The following DCX variants were observed in gnomAD, a reference collection of about 807,000 sequenced individuals.
DCX encodes neuronal migration protein doublecortin.
A neutral mutation model predicts 20.9 loss-of-function variants in DCX; 4 were observed. The observed-to-expected ratio is 0.19, with a 90% CI of 0.09 to 0.44. DCX has a LOEUF of 0.44. Ranked by LOEUF, DCX falls within the 20% of genes least tolerant of loss-of-function variation. The probability of loss-of-function intolerance (pLI) is 0.99; values close to 1 mark genes in which losing one functional copy is unlikely to be tolerated. For synonymous variants in DCX, 103 were observed against 111.4 expected (o/e 0.92, Z 0.47); for missense variants, 133 against 296.9 (o/e 0.45, Z 4.06).
Position 111,410,905 on chromosome X carries a change from T to G in DCX, c.-22-485A>C, listed in dbSNP as rs770901902. 2.5e-6 allele frequency: 3 copies of G among 1,211,154 alleles called. No homozygotes were observed. The Admixed American group carries it at 6.5e-5, about 26-fold the overall frequency. On this transcript the variant is annotated intron_variant, in intron 1 of 6. Transcript: ENST00000636035. ...AGAGAACAGAAGGAGCTACCCAAGG[T>G]TAGCATCTCCAGCTTAGGAAGCAGT...
At chrX:111,368,889 T>C (rs1924840053) in intron 3 of DCX, among the ~76,000 whole-genome samples, 2 of 96,587 alleles carry the variant, frequency 2.1e-5, no homozygotes, top group Non-Finnish European at 3.9e-5. Context: ...ATACGGGATA[T>C]ATATATATAC....
intron 3 of DCX, among the ~76,000 whole-genome samples, chrX:111,367,550 G>C (rs1189805217): frequency 3.6e-5 from 4 of 111,666 alleles, no homozygotes; most frequent in African/African-American, 9.8e-5. Flanking sequence ...TAGAGATAAT[G>C]CTCTGCTGTA....
chrX:111,321,786 G>A (rs950878560), intron 5 of DCX, among the ~76,000 whole-genome samples: 2 of 112,096 alleles, frequency 1.8e-5, no homozygotes, highest in African/African-American at 3.2e-5. Flanking sequence ...GGCCCCAGGT[G>A]TAGCAATTAT....
rs2095023306 is a variant in DCX, at chrX:111,297,176, T to C, written c.*4511A>G. 8.9e-6 allele frequency: 1 copy of C among 111,929 alleles called. No individual in the cohort carries two copies. The highest frequency in any genetic ancestry group is 3.3e-5 in the African/African-American group (1 of 30,743). 9.2% of individuals were successfully genotyped at this position (111,929 alleles called of 1,213,427 possible). A position where few individuals can be genotyped will look rare whatever the true frequency, so the allele number is the denominator to read the frequency against. On this transcript the variant is annotated 3_prime_UTR_variant, in exon 7 of 7. Coordinates refer to ENST00000636035, the MANE Select transcript of DCX (RefSeq NM_001195553.2). ...AGGTTCCAATCATCTTTTTAAAAAA[T>C]CAATGCCTTTTATTTCCATAGCAAA...
At chrX:111,407,732 T>A (rs1428887321) in intron 2 of DCX, among the ~76,000 whole-genome samples, 1 of 109,258 alleles carries the variant, frequency 9.2e-6, no homozygotes, top group East Asian at 2.9e-4. Context: ...TGCAGTCTTT[T>A]CAAAGTTACA....
chrX:111,345,692 G>T (rs1259154954), intron 3 of DCX, among the ~76,000 whole-genome samples: 1 of 111,507 alleles, frequency 9.0e-6, no homozygotes, highest in Admixed American at 9.5e-5. Context: ...ACCACAATGA[G>T]ATACTATCTC....
chrX:111,308,950 T>C (rs2147586491), intron 6 of DCX, among the ~76,000 whole-genome samples: 1 of 110,610 alleles, frequency 9.0e-6, no homozygotes, highest in South Asian at 3.9e-4. Context: ...ACTGGGACTG[T>C]CTTTCCTCTG....
chrX:111,390,119 A>C (rs1028274984), intron 3 of DCX, among the ~76,000 whole-genome samples: 2 of 112,057 alleles, frequency 1.8e-5, no homozygotes, highest in African/African-American at 6.5e-5. Flanking sequence ...TCTAAGCATG[A>C]GAACAATCTG....
chrX:111,376,137 A>AT (rs765259600), intron 3 of DCX, among the ~76,000 whole-genome samples: 1 of 112,105 alleles, frequency 8.9e-6, no homozygotes, highest in South Asian at 3.7e-4. Flanking sequence ...GAAAACATCA[A>AT]TTTTTTAAGG....
intron 6 of DCX, among the ~76,000 whole-genome samples, chrX:111,310,093 A>G (rs1278180394): frequency 8.9e-6 from 1 of 112,417 alleles, no homozygotes; most frequent in South Asian, 3.6e-4. Context: ...AGCACTTCGG[A>G]AGGCCGAGGC....
chrX:111,409,007 G>T (rs574087332), intron 2 of DCX, among the ~76,000 whole-genome samples: 11 of 111,508 alleles, frequency 9.9e-5, no homozygotes, highest in African/African-American at 2.0e-4. Flanking sequence ...TTTGCTCAGG[G>T]AATGAAAGGA....
intron 3 of DCX, among the ~76,000 whole-genome samples, chrX:111,367,737 GATAGCCCCCTCTCAATTT>G (rs1924740145): frequency 9.0e-6 from 1 of 111,207 alleles, no homozygotes; most frequent in Non-Finnish European, 1.9e-5. Context: ...GCATAGCAAT[GATAGCCCCCTCTCAATTT>G]ATATTTCCAA....
At chrX:111,357,093 G>A (rs929233510) in intron 3 of DCX, among the ~76,000 whole-genome samples, 1 of 111,917 alleles carries the variant, frequency 8.9e-6, no homozygotes, top group African/African-American at 3.2e-5. Context: ...AACTGTATAT[G>A]GTAGAGAAAA....
chrX:111,371,624 C>T (rs1477388925), intron 3 of DCX, among the ~76,000 whole-genome samples: 1 of 111,445 alleles, frequency 9.0e-6, no homozygotes, highest in Non-Finnish European at 1.9e-5. Flanking sequence ...TTATTAAGGG[C>T]TTACAATTTG....
At chrX:111,351,683 T>A (rs916832664) in intron 3 of DCX, among the ~76,000 whole-genome samples, 1 of 112,068 alleles carries the variant, frequency 8.9e-6, no homozygotes, top group African/African-American at 3.2e-5. Context: ...GCTGCTACCT[T>A]AGTTTTCCTG....
chrX:111,342,613 A>T (rs1163854256), intron 3 of DCX, among the ~76,000 whole-genome samples: 1 of 107,721 alleles, frequency 9.3e-6, no homozygotes, highest in Non-Finnish European at 1.9e-5. Flanking sequence ...GAGAATACAC[A>T]TTCTTCTCAG....
chrX:111,368,230 G>A, intron 3 of DCX, among the ~76,000 whole-genome samples: 1 of 111,735 alleles, frequency 8.9e-6, no homozygotes, highest in East Asian at 2.8e-4. Flanking sequence ...CATGTGGAAA[G>A]ACAGGGGTTC....
intron 5 of DCX, among the ~76,000 whole-genome samples, chrX:111,323,649 A>G (rs1342810929): frequency 9.9e-6 from 1 of 100,694 alleles, no homozygotes; most frequent in South Asian, 4.8e-4. Flanking sequence ...GTGCTCCCCA[A>G]AGCAAAATGA....
At chrX:111,375,500 C>T (rs1310845918) in intron 3 of DCX, among the ~76,000 whole-genome samples, 1 of 111,517 alleles carries the variant, frequency 9.0e-6, no homozygotes, top group Non-Finnish European at 1.9e-5. Context: ...GCTTGGGTCT[C>T]TTCATGCTTA....
Sources: allele counts gnomAD v4.1 joint callset (sites outside exome capture counted in the v4.1 genomes callset), GRCh38; gene constraint gnomAD v4.1.1; transcripts MANE v1.5; gene names NCBI Gene and HGNC (gene_info 2026-07-23, HGNC 2026-07-21).